SHROOM4: variants seen among roughly 807,000 people sequenced by gnomAD.
The protein encoded by SHROOM4 is shroom family member 4, also known as protein Shroom4.
Under a neutral mutation model 80.3 loss-of-function variants are expected in SHROOM4, and 17 were observed. The ratio of observed to expected loss-of-function variants is 0.21; its 90% CI spans 0.14 to 0.32. SHROOM4 has a LOEUF of 0.32. SHROOM4 is among the 10% of genes least tolerant of loss of function. The pLI, the probability that SHROOM4 is intolerant of heterozygous loss-of-function variation, is 1.00. For missense variants in SHROOM4, 993 were observed against 1,140.3 expected (o/e 0.87, Z 1.86); for synonymous variants, 400 against 437.5 (o/e 0.91, Z 1.07).
At chrX:50,717,009 C>T (rs1289183927) in intron 1 of SHROOM4, among the ~76,000 whole-genome samples, 1 of 112,370 alleles carries the variant, frequency 8.9e-6, no homozygotes, top group Non-Finnish European at 1.9e-5. Context: ...CGTACGATGC[C>T]TGCTTCCCAG....
chrX:50,812,070 T>C (rs1557273500), intron 1 of SHROOM4, among the ~76,000 whole-genome samples: 1 of 108,745 alleles, frequency 9.2e-6, no homozygotes, highest in African/African-American at 3.4e-5. Context: ...CTCTCTGGGG[T>C]GCTTCTCAAG....
intron 1 of SHROOM4, among the ~76,000 whole-genome samples, chrX:50,719,914 A>AT (rs1310007313): frequency 1.8e-5 from 2 of 111,740 alleles, no homozygotes; most frequent in Non-Finnish European, 3.8e-5. Flanking sequence ...TTTCTCCCTA[A>AT]TTTTTTCAAA....
At chrX:50,787,318 G>T (rs1459590260) in intron 1 of SHROOM4, among the ~76,000 whole-genome samples, 1 of 110,399 alleles carries the variant, frequency 9.1e-6, no homozygotes, top group African/African-American at 3.3e-5. Flanking sequence ...TCAAGCAAAA[G>T]AAAGGATCAG....
chrX:50,718,416 G>A (rs1320833406), intron 1 of SHROOM4, among the ~76,000 whole-genome samples: 2 of 111,662 alleles, frequency 1.8e-5, no homozygotes, highest in Non-Finnish European at 3.8e-5. Context: ...GTCCCTTGCT[G>A]TGCTGGGCAC....
intron 1 of SHROOM4, among the ~76,000 whole-genome samples, chrX:50,716,572 C>T (rs1002619812): frequency 8.9e-6 from 1 of 111,734 alleles, no homozygotes; most frequent in African/African-American, 3.3e-5. Context: ...TGACCCCTAC[C>T]AGCAGCCTGT....
chrX:50,741,840 G>C (rs1208007863), intron 1 of SHROOM4, among the ~76,000 whole-genome samples: 6 of 110,729 alleles, frequency 5.4e-5, no homozygotes, highest in Non-Finnish European at 9.5e-5. Context: ...ACTTCATCTA[G>C]TGAAATGATC....
intron 1 of SHROOM4, among the ~76,000 whole-genome samples, chrX:50,717,339 T>A (rs985641178): frequency 3.6e-5 from 4 of 111,572 alleles, no homozygotes; most frequent in Non-Finnish European, 7.5e-5. Flanking sequence ...TACCTCAGCC[T>A]CCCCAGTAGC....
chrX:50,739,085 A>T (rs1252805764), intron 1 of SHROOM4, among the ~76,000 whole-genome samples: 1 of 111,886 alleles, frequency 8.9e-6, no homozygotes, highest in African/African-American at 3.3e-5. Context: ...TGGGGAAATG[A>T]TTCCCTATTT....
chrX:50,746,901 G>T (rs1934783643), intron 1 of SHROOM4, among the ~76,000 whole-genome samples: 1 of 112,179 alleles, frequency 8.9e-6, no homozygotes, highest in African/African-American at 3.2e-5. Flanking sequence ...AGGCTTAGCT[G>T]TTATCAACTA....
intron 1 of SHROOM4, among the ~76,000 whole-genome samples, chrX:50,748,964 A>G (rs1189862456): frequency 8.9e-6 from 1 of 112,699 alleles, no homozygotes; most frequent in Non-Finnish European, 1.9e-5. Flanking sequence ...TAATCCCAGC[A>G]CTTTGGGAGG....
chrX:50,611,388 G>C (rs1044105940), intron 5 of SHROOM4, among the ~76,000 whole-genome samples: 1 of 108,727 alleles, frequency 9.2e-6, no homozygotes, highest in African/African-American at 3.3e-5. Flanking sequence ...CTGACCTCGT[G>C]ATCCGCCCGC....
chrX:50,637,235 C>T (rs1031723654), intron 3 of SHROOM4, among the ~76,000 whole-genome samples: 26 of 111,886 alleles, frequency 2.3e-4, no homozygotes, highest in African/African-American at 8.1e-4. Flanking sequence ...CTCAGAAAGG[C>T]CATAGTCTAG....
At chrX:50,668,307 G>A (rs1557260521) in intron 2 of SHROOM4, among the ~76,000 whole-genome samples, 4 of 111,082 alleles carry the variant, frequency 3.6e-5, no homozygotes, top group African/African-American at 1.3e-4. Flanking sequence ...CAGTAAGCAA[G>A]CCACTCCCCT....
At chrX:50,580,387 C>G in the SHROOM4 span, among the ~76,000 whole-genome samples, 2 of 112,237 alleles carry the variant, frequency 1.8e-5, no homozygotes, top group Non-Finnish European at 3.8e-5. Flanking sequence ...AGAACCACTG[C>G]TTTAGACAAA....
intron 1 of SHROOM4, among the ~76,000 whole-genome samples, chrX:50,734,723 A>C (rs1427446670): frequency 9.0e-6 from 1 of 111,349 alleles, no homozygotes; most frequent in Non-Finnish European, 1.9e-5. Flanking sequence ...CCCCAGTCTC[A>C]TCTTGAATTG....
intron 1 of SHROOM4, among the ~76,000 whole-genome samples, chrX:50,743,620 G>A (rs782350670): frequency 1.2e-4 from 13 of 109,331 alleles, no homozygotes; most frequent in Admixed American, 2.0e-4. Context: ...ACTACACCCC[G>A]CTAATTTTAA....
rs1478600939 is a variant in SHROOM4 at position 50,745,994 on chromosome X, G to T, written c.118-50057C>A. ...TGTTGAGCTCTTCACACTAGAAGTTGGTCTGTCACAATTGTTAATTCAACA... is the reference window on the plus strand; with the variant it reads ...TGTTGAGCTCTTCACACTAGAAGTTTGTCTGTCACAATTGTTAATTCAACA... On this transcript the variant is annotated intron_variant, in intron 1 of 8. Transcript: ENST00000376020. Among the ~76,000 whole-genome samples the T allele has an allele frequency of 2.7e-5, 3 of 111,281 alleles. No individual in the cohort carries two copies. In the Admixed American group the frequency reaches 2.9e-4, roughly 11 times the overall value.
chrX:50,711,997 T>C (rs1301130331), intron 1 of SHROOM4, among the ~76,000 whole-genome samples: 3 of 112,217 alleles, frequency 2.7e-5, no homozygotes, highest in Non-Finnish European at 5.6e-5. Context: ...CTTATTTGTT[T>C]AATGGTGAGA....
intron 4 of SHROOM4, among the ~76,000 whole-genome samples, chrX:50,628,023 G>A (rs1263803708): frequency 8.9e-6 from 1 of 112,321 alleles, no homozygotes; most frequent in African/African-American, 3.2e-5. Flanking sequence ...AGAGATGGAG[G>A]TCTTTTTGTT....
Sources: gnomAD v4.1 joint callset for allele counts (sites outside exome capture counted in the v4.1 genomes callset) on GRCh38, gnomAD v4.1.1 for gene constraint, MANE v1.5 for transcripts, NCBI Gene and HGNC (gene_info 2026-07-23, HGNC 2026-07-21) for gene names.